ELF2: variants seen among roughly 807,000 people sequenced by gnomAD.
ELF2 encodes the protein ETS-related transcription factor Elf-2.
Under a neutral mutation model 54.8 loss-of-function variants are expected in ELF2, and 11 were observed. That is an observed-to-expected ratio of 0.20 (90% CI 0.13 to 0.33). The LOEUF is 0.33. Ranked by LOEUF, ELF2 falls within the 10% of genes least tolerant of loss-of-function variation. The pLI is 1.00. For missense variants in ELF2, 513 were observed against 703.0 expected (o/e 0.73, Z 3.06); for synonymous variants, 203 against 245.1 (o/e 0.83, Z 1.61).
At chr4:139,092,307 G>C (rs1732685886) in intron 4 of ELF2, among the ~76,000 whole-genome samples, 2 of 151,730 alleles carry the variant, frequency 1.3e-5, no homozygotes, top group African/African-American at 4.8e-5. Flanking sequence ...GTTGAAGTAA[G>C]CCGAGATCAT....
chr4:139,150,272 C>G (rs961058715), intron 1 of ELF2, among the ~76,000 whole-genome samples: 1 of 151,592 alleles, frequency 6.6e-6, no homozygotes, highest in African/African-American at 2.4e-5. Flanking sequence ...GAGGCTGAGG[C>G]AAGAGAATTG....
chr4:139,161,787 A>G lies in ELF2; in HGVS notation c.-252+15180T>C, dbSNP rs189620365. Among the ~76,000 whole-genome samples the G allele has an allele frequency of 1.7e-3, 255 of 151,994 alleles. 1 individual carries two copies. The highest frequency in any genetic ancestry group is 3.1e-3 in the Non-Finnish European group (214 of 67,954). ...GGAGTTCAAGACCAGCCTGCCCAACATGGAGAAACCCCGTCTCTACTAAAA... is the reference window on the plus strand; with the variant it reads ...GGAGTTCAAGACCAGCCTGCCCAACGTGGAGAAACCCCGTCTCTACTAAAA... On this transcript the variant is annotated intron_variant, in intron 1 of 9. Transcript: ENST00000686138.
At chr4:139,084,307 A>G in intron 4 of ELF2, 2 of 1,591,090 alleles carry the variant, frequency 1.3e-6, no homozygotes, top group Non-Finnish European at 1.7e-6. Context: ...ACACACACTC[A>G]CGCACTCGCA....
intron 4 of ELF2, among the ~76,000 whole-genome samples, chr4:139,116,483 A>T (rs1032859484): frequency 6.6e-6 from 1 of 152,236 alleles, no homozygotes; most frequent in Non-Finnish European, 1.5e-5. Flanking sequence ...ATGGCAAGGG[A>T]TAATTCAGCA....
At position 139,058,405 on chromosome 4, in the gene ELF2, A is replaced by ATG. The variant is rs1044144461; in HGVS notation, c.*576_*577dup. 18 of 83,928 alleles carry ATG rather than the reference A, an allele frequency of 2.1e-4. No homozygotes were observed. Among genetic ancestry groups the ATG allele is most frequent in the African/African-American group, 6.7e-4 (17 of 25,250 alleles). 5.2% of individuals were successfully genotyped at this position (83,928 alleles called of 1,614,324 possible). On this transcript the variant is annotated 3_prime_UTR_variant, in exon 10 of 10. Coordinates refer to ENST00000686138, the MANE Select transcript of ELF2 (RefSeq NM_001331036.3). ...TAAGCTATATGATATATATATATGTATGTATATATATATATATATATATAT... is the reference window on the plus strand; with the variant it reads ...TAAGCTATATGATATATATATATGTATGTGTATATATATATATATATATATAT...
chr4:139,076,078 C>T (rs545731385), intron 4 of ELF2, among the ~76,000 whole-genome samples: 1 of 152,224 alleles, frequency 6.6e-6, no homozygotes, highest in South Asian at 2.1e-4. Flanking sequence ...CTCAAAGTTC[C>T]CTAAATGCTA....
chr4:139,087,969 T>A (rs945340899), intron 4 of ELF2, among the ~76,000 whole-genome samples: 6 of 152,188 alleles, frequency 3.9e-5, no homozygotes, highest in African/African-American at 1.4e-4. Flanking sequence ...AGGACCCATA[T>A]ATAATTCTTG....
At chr4:139,161,386 T>A (rs1741124062) in intron 1 of ELF2, among the ~76,000 whole-genome samples, 1 of 152,150 alleles carries the variant, frequency 6.6e-6, no homozygotes, top group Non-Finnish European at 1.5e-5. Context: ...ACACAGGTTA[T>A]AAAACTATAA....
intron 4 of ELF2, among the ~76,000 whole-genome samples, chr4:139,077,876 T>C (rs1191799070): frequency 6.6e-6 from 1 of 152,112 alleles, no homozygotes; most frequent in Non-Finnish European, 1.5e-5. Context: ...AAATAACTCA[T>C]TTTAAAAATA....
rs200739421 is a variant in ELF2, at chr4:139,059,451, G to C, written c.1314C>G (p.Ile438Met). The change falls in exon 10 of 10, where the codon ATC (isoleucine) becomes ATG (methionine). Residue 438 changes from isoleucine to methionine, a missense_variant. By Grantham distance (10) the Ile-to-Met change is conservative. Coordinates refer to ENST00000686138, the MANE Select transcript of ELF2 (RefSeq NM_001331036.3). Reference sequence around the variant, plus strand: ...CAGTAGAAGCTGGCATCACAGTAGGGATTGTCTGAATGACTACCTTTGGAG... The same window carrying C: ...CAGTAGAAGCTGGCATCACAGTAGGCATTGTCTGAATGACTACCTTTGGAG... ...ATSPKVVIQT[I>M]PTVMPASTEN... The C allele has an allele frequency of 1.3e-4, 211 of 1,613,856 alleles. 1 individual carries two copies. Among genetic ancestry groups the C allele is most frequent in the Non-Finnish European group, 1.2e-4 (141 of 1,179,874 alleles).
chr4:139,164,251 AAAG>A (rs1227207934), intron 1 of ELF2, among the ~76,000 whole-genome samples: 11 of 150,368 alleles, frequency 7.3e-5, no homozygotes, highest in East Asian at 2.0e-4. Flanking sequence ...GGAAGGAAGA[AAAG>A]AAGGAAGGGA....
intron 1 of ELF2, among the ~76,000 whole-genome samples, chr4:139,146,018 C>CT (rs1235581891): frequency 2.6e-5 from 4 of 152,238 alleles, no homozygotes; most frequent in African/African-American, 9.6e-5. Context: ...ACTTTAAGTC[C>CT]TGGCCAGAGC....
intron 4 of ELF2, among the ~76,000 whole-genome samples, chr4:139,081,996 CAA>C (rs1281191416): frequency 6.6e-6 from 1 of 152,100 alleles, no homozygotes; most frequent in Admixed American, 6.5e-5. Context: ...AACCCCTTAT[CAA>C]AAGACAAAAC....
Position 139,072,033 on chromosome 4 carries a change from A to G in ELF2, c.359T>C (p.Val120Ala). The change falls in exon 6 of 10, where the codon GTG becomes GCG. Residue 120 changes from valine (V) to alanine (A), a missense_variant. By Grantham distance (64) the Val-to-Ala change is moderately conservative. This residue lies in a region of ELF2 where 203 missense variants were observed against 245.9 expected (regional missense o/e 0.83). Transcript: ENST00000686138. ...CLRDSRSPVE[V>A]FVPPCVSTPE... ...AGTTGATACACAAGGAGGAACAAAC[A>G]CTTCCACTATAAAAAAAAGTTGAAA... 2 of 1,607,038 alleles carry G rather than the reference A, an allele frequency of 1.2e-6. No individual in the cohort carries two copies. Among genetic ancestry groups the G allele is most frequent in the Non-Finnish European group, 1.7e-6 (2 of 1,178,534 alleles).
Position 139,153,400 on chromosome 4 carries a change from A to C in ELF2, c.-251-13903T>G, listed in dbSNP as rs574562212. ...CTGTGAGCTGAGATTGTGCCACTGCACTCCAGCCTGAGTAACAGAGGGAGA... is the reference window on the plus strand; with the variant it reads ...CTGTGAGCTGAGATTGTGCCACTGCCCTCCAGCCTGAGTAACAGAGGGAGA... On this transcript the variant is annotated intron_variant, in intron 1 of 9. Coordinates refer to ENST00000686138, the MANE Select transcript of ELF2 (RefSeq NM_001331036.3). 2.0e-5 allele frequency among the ~76,000 whole-genome samples: 3 copies of C among 152,158 alleles called. No homozygotes were observed. In the South Asian group the frequency reaches 6.2e-4, roughly 32 times the overall value.
chr4:139,168,324 TA>T (rs1258425240), intron 1 of ELF2, among the ~76,000 whole-genome samples: 1 of 152,238 alleles, frequency 6.6e-6, no homozygotes, highest in Non-Finnish European at 1.5e-5. Flanking sequence ...AACCATTATG[TA>T]AACTGGTATT....
At chr4:139,084,128 C>T (rs1731618455) in intron 4 of ELF2, 1 of 1,613,468 alleles carries the variant, frequency 6.2e-7, no homozygotes, top group Non-Finnish European at 8.5e-7. Context: ...TTCCCCTGTC[C>T]TTACCGGCCC....
At chr4:139,152,254 T>C (rs1160626842) in intron 1 of ELF2, among the ~76,000 whole-genome samples, 1 of 152,096 alleles carries the variant, frequency 6.6e-6, no homozygotes, top group African/African-American at 2.4e-5. Flanking sequence ...TGTACAAAAT[T>C]AGAATTAAGG....
At chr4:139,112,642 C>T (rs1007758387) in intron 4 of ELF2, among the ~76,000 whole-genome samples, 3 of 152,156 alleles carry the variant, frequency 2.0e-5, no homozygotes, top group Admixed American at 6.6e-5. Flanking sequence ...CACAGTTAGC[C>T]TTCTCCTCAG....
Sources: gnomAD v4.1 joint callset for allele counts (sites outside exome capture counted in the v4.1 genomes callset) on GRCh38, gnomAD v4.1.1 for gene constraint, gnomAD v4.1.1 regional missense constraint, MANE v1.5 for transcripts, NCBI Gene and HGNC (gene_info 2026-07-23, HGNC 2026-07-21) for gene names.